The following POLR2F variants were observed in gnomAD, a reference collection of about 807,000 sequenced individuals.
POLR2F encodes the protein RNA polymerase II, I and III subunit F.
POLR2F carries 12 observed loss-of-function variants against 22.7 expected under a neutral mutation model. That is an observed-to-expected ratio of 0.53 (90% confidence interval 0.34 to 0.86). The LOEUF is 0.86. Ranked by LOEUF, POLR2F falls within the 40% of genes least tolerant of loss-of-function variation. The pLI is 0.02. For missense variants in POLR2F, 126 were observed against 171.5 expected, an observed-to-expected ratio of 0.73 and a Z score of 1.48; for synonymous variants, 57 against 66.0, an observed-to-expected ratio of 0.86 and a Z score of 0.66.
intron 4 of POLR2F, among the ~76,000 whole-genome samples, chr22:37,977,545 C>T (rs1932258523): frequency 6.6e-6 from 1 of 152,114 alleles, no homozygotes; most frequent in Admixed American, 6.5e-5. Context: ...TGGTCTCGAT[C>T]TCCTGACCTC....
At chr22:37,969,755 C>T (rs527654155), downstream of POLR2F, among the ~76,000 whole-genome samples, 8 of 152,294 alleles carry the variant, frequency 5.3e-5, no homozygotes, top group African/African-American at 1.9e-4. Flanking sequence ...TAGGTCCCTC[C>T]ATGTTTAAAA....
chr22:37,983,842 G>A, upstream of POLR2F: 2 of 1,329,722 alleles, frequency 1.5e-6, no homozygotes, highest in South Asian at 3.1e-5. This position sits in a 1 kb window ranked among gnomAD's most constrained non-coding sequence, Gnocchi z 9.5. Flanking sequence ...CAGCCGCCGG[G>A]GTCCTCGCAA....
intron 1 of POLR2F, among the ~76,000 whole-genome samples, chr22:37,998,598 C>T (rs2084739365): frequency 6.6e-6 from 1 of 152,168 alleles, no homozygotes; most frequent in Non-Finnish European, 1.5e-5. Context: ...CTTCCAGACT[C>T]CCTCTCTGCA....
chr22:38,006,224 A>G (rs1384480170), intron 1 of POLR2F, among the ~76,000 whole-genome samples: 1 of 152,198 alleles, frequency 6.6e-6, no homozygotes, highest in Non-Finnish European at 1.5e-5. Context: ...AATTAAAAAA[A>G]AAATGGTTTG....
downstream of POLR2F, among the ~76,000 whole-genome samples, chr22:38,030,250 C>T (rs1345631880): frequency 5.9e-5 from 9 of 152,138 alleles, no homozygotes. Context: ...TTGAGAGAAC[C>T]CACAAGCCCC....
chr22:37,992,024 G>A (rs2145789503), intron 1 of POLR2F, among the ~76,000 whole-genome samples: 1 of 152,290 alleles, frequency 6.6e-6, no homozygotes, highest in East Asian at 1.9e-4. Context: ...GACAGTCCAG[G>A]TTTAAAAAAA....
chr22:37,984,598 A>C (rs8139604), upstream of POLR2F: 2 of 115,942 alleles, frequency 1.7e-5, no homozygotes, highest in Non-Finnish European at 3.7e-5. This position sits in a 1 kb window ranked among gnomAD's most constrained non-coding sequence, Gnocchi z 4.4. Flanking sequence ...AAGGAGGGGG[A>C]GAGGGGGGAG....
chr22:37,978,547 G>A lies in POLR2F; in HGVS notation c.293+11377G>A, dbSNP rs1932296513. On this transcript the variant is annotated intron_variant, in intron 4 of 4. Transcript: ENST00000405557. This position sits in a 1 kb window ranked among gnomAD's most constrained non-coding sequence, Gnocchi z 5.0. ...GGGGGTGAGCTCCCTGGGACTGAGG[G>A]TGGGCAATAGAAGCAGCATGGCTGG... Among the ~76,000 whole-genome samples, 1 of 152,228 alleles carries A rather than the reference G, an allele frequency of 6.6e-6. No homozygotes were observed. Among genetic ancestry groups the A allele is most frequent in the Non-Finnish European group, 1.5e-5 (1 of 68,032 alleles).
intron 1 of POLR2F, among the ~76,000 whole-genome samples, chr22:38,006,803 G>A (rs997161982): frequency 4.6e-5 from 7 of 152,290 alleles, no homozygotes; most frequent in African/African-American, 7.2e-5. Context: ...GGAGCCTGTC[G>A]TCTCCGAGCT....
chr22:38,008,170 G>A (rs2084839507), intron 1 of POLR2F, among the ~76,000 whole-genome samples: 1 of 152,106 alleles, frequency 6.6e-6, no homozygotes, highest in African/African-American at 2.4e-5. Flanking sequence ...AACCCAGGAG[G>A]CAGAGGTTGC....
rs1932362648 is a variant in POLR2F, at chr22:37,980,429, T to C, written c.293+13259T>C. 6.6e-6 allele frequency among the ~76,000 whole-genome samples: 1 copy of C among 152,022 alleles called. No individual in the cohort carries two copies. The highest frequency in any genetic ancestry group is 1.9e-4 in the East Asian group (1 of 5,182). On this transcript the variant is annotated intron_variant, in intron 4 of 4. Transcript: ENST00000405557. The surrounding 1 kb of genome is among the most constrained non-coding windows in gnomAD (Gnocchi z 4.1). ...ACAGGGGCCAGAAGAGAGAGAGGAT[T>C]CCAACATCGGATTCCGCTGCTACCT... is the stretch of plus-strand genomic sequence containing the variant.
chr22:38,025,605 T>C, intron 1 of POLR2F: 2 of 1,542,390 alleles, frequency 1.3e-6, no homozygotes, highest in South Asian at 2.5e-5. Context: ...GAATACACAG[T>C]GCTGAGACCC....
At chr22:38,040,594 A>G (rs563789392) in intron 5 of POLR2F, 2 of 177,090 alleles carry the variant, frequency 1.1e-5, no homozygotes, top group African/African-American at 4.7e-5. Context: ...GCCTGACCAT[A>G]TGCCAGTCTG....
downstream of POLR2F, among the ~76,000 whole-genome samples, chr22:38,027,709 C>A (rs955502251): frequency 6.6e-6 from 1 of 152,140 alleles, no homozygotes; most frequent in Non-Finnish European, 1.5e-5. Flanking sequence ...CCTCCGCCAC[C>A]CCAGGCCTGT....
At chr22:37,987,180 T>C (rs1163829403) in intron 1 of POLR2F, 1 of 456,404 alleles carries the variant, frequency 2.2e-6, no homozygotes, top group Non-Finnish European at 4.4e-6. Context: ...CAGAGAGGGG[T>C]CTGCGGTCTG....
At chr22:37,985,785 A>AG (rs531559923), upstream of POLR2F, among the ~76,000 whole-genome samples, 2 of 148,468 alleles carry the variant, frequency 1.3e-5, no homozygotes, top group South Asian at 4.3e-4. Flanking sequence ...CACGAGGCAG[A>AG]GGCATGTTGG....
chr22:37,977,323 T>G (rs1932250528), intron 4 of POLR2F, among the ~76,000 whole-genome samples: 1 of 151,526 alleles, frequency 6.6e-6, no homozygotes, highest in Admixed American at 6.6e-5. Flanking sequence ...GAGTCTTTTT[T>G]TTTTTCTTTC....
chr22:38,008,561 A>AAAC (rs756521190), intron 1 of POLR2F, among the ~76,000 whole-genome samples: 3 of 149,324 alleles, frequency 2.0e-5, no homozygotes, highest in African/African-American at 4.9e-5. Context: ...AAAAACCAAC[A>AAAC]AACAACAACA....
intron 1 of POLR2F, chr22:37,987,398 G>C (rs749260646): frequency 7.1e-6 from 3 of 421,666 alleles, no homozygotes; most frequent in Non-Finnish European, 1.4e-5. Context: ...AGCTGCCTCC[G>C]GTCAGCAGTG....
Sources: allele counts gnomAD v4.1 joint callset (sites outside exome capture counted in the v4.1 genomes callset), GRCh38; gene constraint gnomAD v4.1.1; non-coding constraint Gnocchi (gnomAD v3.1); transcripts MANE v1.5; gene names NCBI Gene and HGNC (gene_info 2026-07-23, HGNC 2026-07-21).